The following EP400 variants were observed in gnomAD, a reference collection of about 807,000 sequenced individuals.
EP400 encodes the protein E1A binding protein p400, also known as E1A-binding protein p400.
EP400 carries 105 observed loss-of-function variants against 354.1 expected under a neutral mutation model. The observed-to-expected ratio is 0.30, with a 90% CI of 0.25 to 0.35. The LOEUF (loss-of-function observed/expected upper bound fraction) is 0.35, where lower values mean the gene tolerates loss of function less well. Among genes scored for constraint, EP400 ranks in the 10% least tolerant of loss-of-function variants. The probability of loss-of-function intolerance (pLI) is 1.00; values close to 1 mark genes in which losing one functional copy is unlikely to be tolerated. For missense variants in EP400, 3,280 were observed against 4,121.0 expected (o/e 0.80, Z 5.59); for synonymous variants, 1,646 against 1,716.9 (o/e 0.96, Z 1.02).
Position 131,991,526 on chromosome 12 carries a change from A to G in EP400, c.2679+70A>G, listed in dbSNP as rs1401445645. On this transcript the variant is annotated intron_variant, in intron 10 of 52. Coordinates refer to ENST00000389561, the MANE Select transcript of EP400 (RefSeq NM_015409.5). ...CAGCTCCAGTAGAGTGGGCCTTTTCATTCTTATCCAGAGGAATTTGTAGGC... is the reference window on the plus strand; with the variant it reads ...CAGCTCCAGTAGAGTGGGCCTTTTCGTTCTTATCCAGAGGAATTTGTAGGC... The G allele has an allele frequency of 2.2e-6, 3 of 1,375,640 alleles. No homozygotes were observed. In the South Asian group the frequency reaches 3.5e-5, roughly 16 times the overall value. The allele number at this position is 1,375,640 out of a possible 1,614,324, so 85.2% of individuals were successfully genotyped here.
rs1893765817 is a variant in EP400 at position 132,011,554 on chromosome 12, C to A, written c.3361C>A (p.Leu1121Ile). 1 of 1,614,090 alleles carries A rather than the reference C, an allele frequency of 6.2e-7. No homozygotes were observed. Among genetic ancestry groups the A allele is most frequent in the Non-Finnish European group, 8.5e-7 (1 of 1,180,004 alleles). ...AAGTTGTAACATACTCAAGTGGGAG[C>A]TTGAATTGAAACGTTGGTGTCCCGG... ...VRSCNILKWE[L>I]ELKRWCPGLK... is the part of the protein sequence containing the mutation. Residue 1121 changes from leucine to isoleucine, a missense_variant, in exon 16 of 53, where the codon CTT (leucine) becomes ATT (isoleucine). Physicochemically the swap from Leu to Ile is conservative, Grantham distance 5 (BLOSUM62 2). Coordinates refer to ENST00000389561, the MANE Select transcript of EP400 (RefSeq NM_015409.5).
rs1250770595 is a variant in EP400 at position 132,011,633 on chromosome 12, A to G, written c.3440A>G (p.Gln1147Arg). The part of the protein sequence containing the change: ...GSHRELKAKR[Q>R]EWAEPNSFHV... The stretch of plus-strand genomic sequence containing the variant: ...CACAGAGAACTCAAAGCAAAGAGAC[A>G]GGTATTTTTTTTTTAAACATAAAAT... Residue 1147 changes from glutamine to arginine, a missense_variant and splice_region_variant, in exon 16 of 53, where the codon CAG (glutamine) becomes CGG (arginine). Coordinates refer to ENST00000389561, the MANE Select transcript of EP400 (RefSeq NM_015409.5). 6.3e-6 allele frequency: 10 copies of G among 1,590,638 alleles called. No homozygotes were observed. Among genetic ancestry groups the G allele is most frequent in the South Asian group, 1.2e-5 (1 of 86,180 alleles).
At chr12:132,001,861 A>G (rs192862682) in intron 12 of EP400, among the ~76,000 whole-genome samples, 1 of 152,350 alleles carries the variant, frequency 6.6e-6, no homozygotes, top group African/African-American at 2.4e-5. Flanking sequence ...TAATATTGGA[A>G]TAAAGAGTAA....
chr12:132,019,989 G>A lies in EP400; in HGVS notation c.4278-60G>A. On this transcript the variant is annotated intron_variant, in intron 21 of 52. Transcript: ENST00000389561. ...CGGTGAACCCCGGCTCCATGAGGTG[G>A]CCTGTCCTCTCTGTGGTCTGATGCT... 2.1e-6 allele frequency: 3 copies of A among 1,445,134 alleles called. No individual in the cohort carries two copies. The South Asian group carries it at 4.6e-5, about 22-fold the overall frequency. The allele number at this position is 1,445,134 out of a possible 1,614,324, so 89.5% of individuals were successfully genotyped here.
At chr12:131,984,541 A>G (rs1485271939) in intron 5 of EP400, among the ~76,000 whole-genome samples, 5 of 151,996 alleles carry the variant, frequency 3.3e-5, no homozygotes, top group Non-Finnish European at 5.9e-5. Flanking sequence ...TAGGCCTTAC[A>G]TTGCTTGCTT....
chr12:132,053,302 T>G, intron 42 of EP400, 41 bp from the exon 43 acceptor site: 4 of 1,602,344 alleles, frequency 2.5e-6, no homozygotes, highest in Non-Finnish European at 3.4e-6. Context: ...GCAGGCCGAG[T>G]CTGCCCCTCC....
chr12:132,014,965 G>C (rs1674931448), intron 19 of EP400, among the ~76,000 whole-genome samples: 1 of 152,140 alleles, frequency 6.6e-6, no homozygotes, highest in South Asian at 2.1e-4. Context: ...TCTGCTCTGG[G>C]TCTCCTTCTC....
At chr12:131,962,518 T>C (rs986803807) in intron 2 of EP400, among the ~76,000 whole-genome samples, 6 of 152,246 alleles carry the variant, frequency 3.9e-5, no homozygotes, top group Non-Finnish European at 8.8e-5. Flanking sequence ...AAAATAGTTA[T>C]TATGGCAAAA....
In EP400 at chr12:132,069,426, G is replaced by A. The variant is rs143915546; in HGVS notation, c.8875-69G>A. 63 of 1,575,052 alleles carry A rather than the reference G, an allele frequency of 4.0e-5. No individual in the cohort carries two copies. The South Asian group carries it at 4.6e-4, about 11-fold the overall frequency. Reference sequence around the variant, plus strand: ...TGGGTTCTGCCATAGGGCCCAGAGCGGGCAGGCGTCCCGGGAGTCTTGAGC... The same window carrying A: ...TGGGTTCTGCCATAGGGCCCAGAGCAGGCAGGCGTCCCGGGAGTCTTGAGC... On this transcript the variant is annotated intron_variant, in intron 50 of 52. Transcript: ENST00000389561.
intron 3 of EP400, among the ~76,000 whole-genome samples, chr12:131,980,701 A>G (rs1423300917): frequency 6.6e-6 from 1 of 151,684 alleles, no homozygotes; most frequent in Non-Finnish European, 1.5e-5. Context: ...GCGTGCCACC[A>G]CTCCCAGCTA....
At chr12:131,966,171 C>CTT (rs751074723) in intron 2 of EP400, among the ~76,000 whole-genome samples, 53 of 151,944 alleles carry the variant, frequency 3.5e-4, no homozygotes, top group Non-Finnish European at 7.5e-4. Context: ...GGGAGGATTG[C>CTT]TTGAGGCCAG....
chr12:131,972,310 G>A (rs973591319), intron 2 of EP400, among the ~76,000 whole-genome samples: 1 of 151,816 alleles, frequency 6.6e-6, no homozygotes, highest in Non-Finnish European at 1.5e-5. Flanking sequence ...CTGCGACCAC[G>A]CCCGGCGAAT....
intron 29 of EP400, chr12:132,031,427 GA>G (rs1178984339): frequency 9.7e-6 from 5 of 515,036 alleles, no homozygotes; most frequent in Non-Finnish European, 1.9e-5. Context: ...AACTGTGCAT[GA>G]GGGTGTTGGC....
intron 25 of EP400, among the ~76,000 whole-genome samples, chr12:132,026,750 C>T (rs1894319654): frequency 6.6e-6 from 1 of 152,174 alleles, no homozygotes; most frequent in African/African-American, 2.4e-5. Context: ...ACACCCCCAC[C>T]CCCAAGTGCT....
chr12:132,039,564 T>C (rs1894827387), intron 32 of EP400, among the ~76,000 whole-genome samples: 2 of 152,222 alleles, frequency 1.3e-5, no homozygotes. Flanking sequence ...GCCAGTCTCC[T>C]GCCCTGCCCC....
In EP400 at chr12:132,028,037, G is replaced by C. The variant is rs1251153984; in HGVS notation, c.5130G>C (p.Leu1710Phe). 1.9e-6 allele frequency: 3 copies of C among 1,613,732 alleles called. No homozygotes were observed. Among genetic ancestry groups the C allele is most frequent in the Non-Finnish European group, 2.5e-6 (3 of 1,179,634 alleles). Residue 1710 changes from leucine to phenylalanine, a missense_variant, in exon 27 of 53, where the codon TTG becomes TTC. Coordinates refer to ENST00000389561, the MANE Select transcript of EP400 (RefSeq NM_015409.5). ...GPTQEEKTRL[L>F]KERLDQIYLV... is the part of the protein sequence containing the mutation. ...TAAAGGAGGAAAAGACCAGACTCTT[G>C]AAAGAGCGCCTGGATCAGATTTATT...
At chr12:132,010,835 A>G (rs1185342638) in intron 15 of EP400, among the ~76,000 whole-genome samples, 7 of 152,288 alleles carry the variant, frequency 4.6e-5, no homozygotes, top group African/African-American at 1.2e-4. Context: ...CCAGCTACAC[A>G]GGAGGCTGAG....
Position 132,079,901 on chromosome 12 carries a change from ACT to A in EP400, c.*2232_*2233del, listed in dbSNP as rs538424578. 7.9e-5 allele frequency: 12 copies of A among 151,780 alleles called. No individual in the cohort carries two copies. Among genetic ancestry groups the A allele is most frequent in the Non-Finnish European group, 1.5e-4 (10 of 67,958 alleles). 9.4% of individuals were successfully genotyped at this position (151,780 alleles called of 1,614,324 possible). A position where few individuals can be genotyped will look rare whatever the true frequency, so the allele number is the denominator to read the frequency against. On this transcript the variant is annotated 3_prime_UTR_variant, in exon 53 of 53. Coordinates refer to ENST00000389561, the MANE Select transcript of EP400 (RefSeq NM_015409.5). ...AATTCATTTAGTCGTGTACGTAAAAACTCTCCTTTTAGTGTGTTATTTTCTTG... is the reference window on the plus strand; with the variant it reads ...AATTCATTTAGTCGTGTACGTAAAAACTCCTTTTAGTGTGTTATTTTCTTG...
chr12:132,023,735 C>T, intron 23 of EP400, 42 bp from the exon 24 acceptor site: 1 of 1,596,210 alleles, frequency 6.3e-7, no homozygotes, highest in Non-Finnish European at 8.5e-7. Flanking sequence ...CAAATTTTTT[C>T]CAAAATGATC....
Sources: allele counts gnomAD v4.1 joint callset (sites outside exome capture counted in the v4.1 genomes callset), GRCh38; gene constraint gnomAD v4.1.1; transcripts MANE v1.5; gene names NCBI Gene and HGNC (gene_info 2026-07-23, HGNC 2026-07-21).